UMAD1: variants seen among roughly 807,000 people sequenced by gnomAD.
UMAD1 encodes UBAP1-MVB12-associated (UMA)-domain containing protein 1.
UMAD1 carries 8 observed loss-of-function variants against 6.1 expected under a neutral mutation model. That is an observed-to-expected ratio of 1.30 (90% CI 0.76 to 2.35). UMAD1 has a LOEUF of 2.35. UMAD1 is among the 30% of genes most tolerant of loss of function. The pLI is 0.00. For synonymous variants in UMAD1, 56 were observed against 31.4 expected (o/e 1.78, Z -2.61); for missense variants, 130 against 78.4 (o/e 1.66, Z -2.49).
intron 2 of UMAD1, among the ~76,000 whole-genome samples, chr7:7,700,883 C>T (rs1313387296): frequency 1.3e-5 from 2 of 151,176 alleles, no homozygotes; most frequent in African/African-American, 4.9e-5. Flanking sequence ...AGCGAGACTC[C>T]ATCTTAAAAA....
intron 1 of UMAD1, among the ~76,000 whole-genome samples, chr7:7,646,749 T>C (rs1451908125): frequency 6.6e-6 from 1 of 152,066 alleles, no homozygotes; most frequent in Non-Finnish European, 1.5e-5. Flanking sequence ...ATCTCCTCTC[T>C]GACCGTCCCC....
chr7:7,780,458 C>G (rs1782322193), intron 2 of UMAD1, among the ~76,000 whole-genome samples: 1 of 152,134 alleles, frequency 6.6e-6, no homozygotes, highest in Non-Finnish European at 1.5e-5. Flanking sequence ...TAGGGACTTT[C>G]TTTTTCCAAG....
chr7:7,742,610 G>C, intron 2 of UMAD1: 1 of 471,220 alleles, frequency 2.1e-6, no homozygotes, highest in South Asian at 1.6e-5. Context: ...AAGGATGAAT[G>C]CTGTTTAGTA....
At chr7:7,652,206 C>T (rs1785238494) in intron 1 of UMAD1, among the ~76,000 whole-genome samples, 1 of 152,172 alleles carries the variant, frequency 6.6e-6, no homozygotes, top group African/African-American at 2.4e-5. Context: ...TTTTACATTG[C>T]TCGTTTGCTC....
chr7:7,644,753 C>G (rs1785058190), intron 1 of UMAD1, among the ~76,000 whole-genome samples: 1 of 152,064 alleles, frequency 6.6e-6, no homozygotes, highest in African/African-American at 2.4e-5. Flanking sequence ...TGTAGCTTAT[C>G]ATAACTTTTG....
intron 3 of UMAD1, among the ~76,000 whole-genome samples, chr7:7,844,986 C>T (rs185652126): frequency 7.9e-4 from 120 of 152,108 alleles, no homozygotes; most frequent in Non-Finnish European, 9.1e-4. Context: ...ATCTTTTTTA[C>T]GTAAAAAAAT....
At chr7:7,823,534 C>T (rs1462319562) in intron 3 of UMAD1, among the ~76,000 whole-genome samples, 2 of 151,978 alleles carry the variant, frequency 1.3e-5, no homozygotes, top group African/African-American at 4.8e-5. Context: ...TTTTTGAAGC[C>T]CAAAGTGCCT....
chr7:7,782,337 T>A (rs534646107), intron 2 of UMAD1, among the ~76,000 whole-genome samples: 1 of 152,286 alleles, frequency 6.6e-6, no homozygotes, highest in East Asian at 1.9e-4. Context: ...CTTTAGTGAT[T>A]CTCTTCCTTC....
At chr7:7,846,637 C>G (rs1309391372) in intron 3 of UMAD1, among the ~76,000 whole-genome samples, 1 of 151,882 alleles carries the variant, frequency 6.6e-6, no homozygotes, top group Non-Finnish European at 1.5e-5. Flanking sequence ...CCAAATACTG[C>G]TATTATAACA....
At chr7:7,748,419 AAC>A (rs1306829092) in intron 2 of UMAD1, among the ~76,000 whole-genome samples, 23 of 152,168 alleles carry the variant, frequency 1.5e-4, no homozygotes, top group African/African-American at 5.5e-4. Flanking sequence ...ATGGTAGACT[AAC>A]AGTGATATTT....
At chr7:7,725,766 C>T (rs1031534055) in intron 2 of UMAD1, among the ~76,000 whole-genome samples, 3 of 152,228 alleles carry the variant, frequency 2.0e-5, no homozygotes, top group Non-Finnish European at 2.9e-5. Context: ...ATGGTCTCCA[C>T]TCCTGCCACC....
At chr7:7,813,332 G>A (rs1398081276) in intron 3 of UMAD1, among the ~76,000 whole-genome samples, 4 of 152,108 alleles carry the variant, frequency 2.6e-5, no homozygotes, top group Non-Finnish European at 5.9e-5. Context: ...AACCTCCCAA[G>A]TAGCTGGGAC....
chr7:7,760,215 A>G (rs1169152033), intron 2 of UMAD1, among the ~76,000 whole-genome samples: 1 of 151,896 alleles, frequency 6.6e-6, no homozygotes, highest in Non-Finnish European at 1.5e-5. Flanking sequence ...ATTCTACCAA[A>G]TGTGAGTGAA....
At chr7:7,822,927 C>G (rs906002370) in intron 3 of UMAD1, among the ~76,000 whole-genome samples, 2 of 151,658 alleles carry the variant, frequency 1.3e-5, no homozygotes, top group Admixed American at 6.6e-5. Context: ...TTTCATGCCT[C>G]TATATTTTTA....
intron 2 of UMAD1, among the ~76,000 whole-genome samples, chr7:7,746,226 C>G (rs1781572218): frequency 6.6e-6 from 1 of 152,156 alleles, no homozygotes; most frequent in Admixed American, 6.6e-5. Flanking sequence ...ATGGTAAAAG[C>G]ACAGTGTACT....
intron 2 of UMAD1, among the ~76,000 whole-genome samples, chr7:7,791,174 C>T (rs948311117): frequency 1.3e-5 from 2 of 152,362 alleles, no homozygotes; most frequent in Middle Eastern, 6.8e-3. Context: ...AGGCAAGAGT[C>T]ACTGTGCCCA....
chr7:7,720,944 T>C (rs1434254459), intron 2 of UMAD1, among the ~76,000 whole-genome samples: 1 of 152,198 alleles, frequency 6.6e-6, no homozygotes, highest in Non-Finnish European at 1.5e-5. Flanking sequence ...GTCATACTCA[T>C]TGGAGTGGGC....
At chr7:7,868,388 G>T (rs897853277) in intron 3 of UMAD1, 1 of 152,014 alleles carries the variant, frequency 6.6e-6, no homozygotes. Flanking sequence ...AGAATACATG[G>T]AACAGATTAC....
chr7:7,760,599 T>C (rs1326304864), intron 2 of UMAD1, among the ~76,000 whole-genome samples: 2 of 152,072 alleles, frequency 1.3e-5, no homozygotes, highest in East Asian at 3.9e-4. Flanking sequence ...TACTACTGAA[T>C]GTAATTTAGC....
Sources: allele counts gnomAD v4.1 joint callset (sites outside exome capture counted in the v4.1 genomes callset), GRCh38; gene constraint gnomAD v4.1.1; transcripts MANE v1.5; gene names NCBI Gene and HGNC (gene_info 2026-07-23, HGNC 2026-07-21).